MX2: variants seen among roughly 807,000 people sequenced by gnomAD.
MX2 encodes the protein MX dynamin like GTPase 2, also known as interferon-induced GTP-binding protein Mx2.
In MX2, 51 loss-of-function variants were observed where a neutral mutation model predicts 74.0. The ratio of observed to expected loss-of-function variants is 0.69; its 90% CI spans 0.55 to 0.87. The LOEUF (loss-of-function observed/expected upper bound fraction) is 0.87, where lower values mean the gene tolerates loss of function less well. MX2 is among the 40% of genes least tolerant of loss of function. The pLI is 0.00. For missense variants in MX2, 832 were observed against 908.7 expected (o/e 0.92, Z 1.09); for synonymous variants, 369 against 339.3 (o/e 1.09, Z -0.96).
intron 12 of MX2, among the ~76,000 whole-genome samples, chr21:41,405,522 A>T (rs565411840): frequency 6.6e-6 from 1 of 152,022 alleles, no homozygotes; most frequent in South Asian, 2.1e-4. Context: ...GTTGCTTTAT[A>T]AGGGCCTCAG....
At chr21:41,372,400 A>G (rs1003860025) in intron 1 of MX2, among the ~76,000 whole-genome samples, 15 of 152,236 alleles carry the variant, frequency 9.9e-5, no homozygotes, top group Non-Finnish European at 1.8e-4. Flanking sequence ...GAGATTGCCA[A>G]TATTACTTGT....
At chr21:41,362,294 G>A (rs545358377) in intron 1 of MX2, among the ~76,000 whole-genome samples, 2 of 152,178 alleles carry the variant, frequency 1.3e-5, no homozygotes, top group African/African-American at 4.8e-5. Flanking sequence ...GCTGGCCCTG[G>A]GGACAGGGTG....
intron 1 of MX2, among the ~76,000 whole-genome samples, chr21:41,374,573 G>A (rs1043136897): frequency 6.6e-6 from 1 of 152,244 alleles, no homozygotes; most frequent in African/African-American, 2.4e-5. Flanking sequence ...CTGAGAGGTG[G>A]GAGAAGGAGG....
Position 41,408,452 on chromosome 21 carries a change from C to T in MX2, c.*219C>T, listed in dbSNP as rs148558783. ...CCCTGACCTTCACGAAGGGATGGCT[C>T]TCCAGTCCTTGGGTCCCGTAGCACA... On this transcript the variant is annotated 3_prime_UTR_variant, in exon 14 of 14. Transcript: ENST00000330714. 20 of 603,146 alleles carry T rather than the reference C, an allele frequency of 3.3e-5. No individual in the cohort carries two copies. The East Asian group carries it at 5.7e-4, about 17-fold the overall frequency. 37.4% of individuals were successfully genotyped at this position (603,146 alleles called of 1,614,324 possible).
rs902854572 is a variant in MX2, at chr21:41,380,101, C to T, written c.527C>T (p.Thr176Ile). 1.2e-6 allele frequency: 2 copies of T among 1,613,982 alleles called. No homozygotes were observed. Among genetic ancestry groups the T allele is most frequent in the Admixed American group, 1.7e-5 (1 of 60,008 alleles). The change falls in exon 4 of 14, where the codon ACC becomes ATC. Residue 176 changes from threonine to isoleucine, a missense_variant. Transcript: ENST00000330714. This position sits in a 1 kb window ranked among gnomAD's most constrained non-coding sequence, Gnocchi z 4.3. ...AWAGRISYRN[T>I]ELELQDPGQV... The stretch of plus-strand genomic sequence containing the variant: ...GCCGGAAGGATCAGCTACCGGAACA[C>T]CGAGCTAGAGCTTCAGGACCCTGGC...
Position 41,368,052 on chromosome 21 carries a change from A to G in MX2, c.-72+5997A>G, listed in dbSNP as rs432331. Among the ~76,000 whole-genome samples, 124,809 of 152,116 alleles carry G rather than the reference A, an allele frequency of 0.82. 51,355 individuals carry two copies. Among genetic ancestry groups the G allele is most frequent in the East Asian group, 0.99 (5,133 of 5,176 alleles). ...ACTTTCTCTTCAAGTCAAGGTCCAC[A>G]GCTCCCATGCTCTGCATTTATACTG... On this transcript the variant is annotated intron_variant, in intron 1 of 13. Coordinates refer to ENST00000330714, the MANE Select transcript of MX2 (RefSeq NM_002463.2). The surrounding 1 kb of genome is among the most constrained non-coding windows in gnomAD (Gnocchi z 4.6).
chr21:41,400,461 A>G (rs769432498), intron 10 of MX2, among the ~76,000 whole-genome samples: 1 of 152,026 alleles, frequency 6.6e-6, no homozygotes, highest in Admixed American at 6.6e-5. Context: ...TCTGATTCCC[A>G]TGTGCTCCAG....
intron 1 of MX2, chr21:41,365,077 C>T (rs2089252613): frequency 6.6e-6 from 1 of 152,218 alleles, no homozygotes; most frequent in Admixed American, 6.5e-5. Context: ...CAAATCCTAA[C>T]CTCAGAACCT....
At chr21:41,382,699 G>A (rs1016698338) in intron 5 of MX2, 135 bp downstream of exon 5, 5 of 1,183,394 alleles carry the variant, frequency 4.2e-6, no homozygotes, top group Non-Finnish European at 5.9e-6. Flanking sequence ...ACCTGCCCAG[G>A]TGGGGGCCTC....
intron 8 of MX2, 80 bp downstream of exon 8, chr21:41,397,771 C>A: frequency 4.2e-6 from 5 of 1,199,064 alleles, no homozygotes; most frequent in East Asian, 2.4e-5. Flanking sequence ...GGCTAAGATG[C>A]CCCACTGATC....
At chr21:41,378,074 C>A in intron 3 of MX2, 93 bp downstream of exon 3, 1 of 1,425,938 alleles carries the variant, frequency 7.0e-7, no homozygotes, top group Non-Finnish European at 9.5e-7. Context: ...TAGAGACAGG[C>A]TGCTGGGTGA....
Position 41,395,633 on chromosome 21 carries a change from C to A in MX2, c.918C>A (p.Ser306Arg), listed in dbSNP as rs376885082. The A allele has an allele frequency of 6.2e-7, 1 of 1,614,154 alleles. No individual in the cohort carries two copies. Among genetic ancestry groups the A allele is most frequent in the Non-Finnish European group, 8.5e-7 (1 of 1,180,036 alleles). Residue 306 changes from serine to arginine, a missense_variant, in exon 7 of 14, where the codon AGC becomes AGA. Transcript: ENST00000330714. ...PDLMDRGTEK[S>R]VMNVVRNLTY... ...TAATGGACAGGGGCACTGAGAAAAG[C>A]GTCATGAATGTGGTGCGGAACCTCA...
At chr21:41,405,486 A>G (rs1468134773) in intron 12 of MX2, among the ~76,000 whole-genome samples, 2 of 151,930 alleles carry the variant, frequency 1.3e-5, no homozygotes, top group Non-Finnish European at 2.9e-5. Flanking sequence ...GTGTATCCTC[A>G]CACGGTGGAA....
At chr21:41,378,347 CCTAGG>C (rs2089442321) in intron 3 of MX2, among the ~76,000 whole-genome samples, 4 of 151,684 alleles carry the variant, frequency 2.6e-5, no homozygotes, top group African/African-American at 7.3e-5. Context: ...CTGGGAGGGC[CCTAGG>C]AGGGCAGCTT....
chr21:41,380,358 G>A lies in MX2; in HGVS notation c.577+207G>A, dbSNP rs920282229. On this transcript the variant is annotated intron_variant, in intron 4 of 13. Transcript: ENST00000330714. This position sits in a 1 kb window ranked among gnomAD's most constrained non-coding sequence, Gnocchi z 4.3. ...CCCTCTCATCGAGTCATCCCATGCC[G>A]AGGACCCTCTGGTGGCTTCCCTTAG... Among the ~76,000 whole-genome samples the A allele has an allele frequency of 7.9e-5, 12 of 152,034 alleles. No homozygotes were observed. Among genetic ancestry groups the A allele is most frequent in the African/African-American group, 1.7e-4 (7 of 41,382 alleles).
rs564745581 is a variant in MX2, at chr21:41,373,569, C to T, written c.-71-3267C>T. Among the ~76,000 whole-genome samples, 11 of 152,270 alleles carry T rather than the reference C, an allele frequency of 7.2e-5. No homozygotes were observed. In the South Asian group the frequency reaches 1.9e-3, roughly 26 times the overall value. On this transcript the variant is annotated intron_variant, in intron 1 of 13. Coordinates refer to ENST00000330714, the MANE Select transcript of MX2 (RefSeq NM_002463.2). The stretch of plus-strand genomic sequence containing the variant: ...CTGTCCACAGATCTTCCTGCTCTCC[C>T]CAACTCCCCTCTGCCCTTCAGCCCC...
chr21:41,382,647 G>A, intron 5 of MX2, 83 bp downstream of exon 5: 1 of 1,555,428 alleles, frequency 6.4e-7, no homozygotes, highest in Non-Finnish European at 8.8e-7. Flanking sequence ...TGTACCTCCT[G>A]GAGCCTTTAC....
chr21:41,388,631 G>A lies in MX2; in HGVS notation c.733-1934G>A, dbSNP rs911253816. Among the ~76,000 whole-genome samples the A allele has an allele frequency of 2.6e-5, 4 of 152,162 alleles. No homozygotes were observed. Among genetic ancestry groups the A allele is most frequent in the African/African-American group, 9.7e-5 (4 of 41,428 alleles). ...TCAATGCCGAGTCTCTGAACCCCAG[G>A]ATGGGCCCCACACCTGGTGGGCACT... On this transcript the variant is annotated intron_variant, in intron 5 of 13. Transcript: ENST00000330714. This position sits in a 1 kb window ranked among gnomAD's most constrained non-coding sequence, Gnocchi z 4.0.
In MX2 at chr21:41,404,435, G is replaced by A. The variant is rs769012282; in HGVS notation, c.1650+1092G>A. The A allele has an allele frequency of 8.5e-5, 13 of 152,218 alleles. No homozygotes were observed. In the East Asian group the frequency reaches 1.3e-3, roughly 16 times the overall value. The allele number at this position is 152,218 out of a possible 1,614,324, so 9.4% of individuals were successfully genotyped here. A position where few individuals can be genotyped will look rare whatever the true frequency, so the allele number is the denominator to read the frequency against. On this transcript the variant is annotated intron_variant, in intron 12 of 13. Coordinates refer to ENST00000330714, the MANE Select transcript of MX2 (RefSeq NM_002463.2). ...AAAGTGACTGAGGCAGATCTGCCTC[G>A]ATCCGAGATTTATTTTGCCCAGGTC...
Sources: gnomAD v4.1 joint callset for allele counts (sites outside exome capture counted in the v4.1 genomes callset) on GRCh38, gnomAD v4.1.1 for gene constraint, Gnocchi (gnomAD v3.1) non-coding constraint, MANE v1.5 for transcripts, NCBI Gene and HGNC (gene_info 2026-07-23, HGNC 2026-07-21) for gene names.